FXN: variants seen among roughly 807,000 people sequenced by gnomAD.
FXN encodes the protein frataxin.
In FXN, 14 loss-of-function variants were observed where a neutral mutation model predicts 22.4. The ratio of observed to expected loss-of-function variants is 0.62; its 90% CI spans 0.41 to 0.98. The LOEUF is 0.98. FXN is among the 50% of genes least tolerant of loss of function. FXN has a pLI of 0.00. For missense variants in FXN, 267 were observed against 268.4 expected (o/e 0.99, Z 0.04); for synonymous variants, 120 against 114.1 (o/e 1.05, Z -0.33).
At position 69,073,624 on chromosome 9, in the gene FXN, T is replaced by C; in HGVS notation, c.*862T>C. 1.0e-6 allele frequency: 1 copy of C among 985,418 alleles called. No individual in the cohort carries two copies. The highest frequency in any genetic ancestry group is 1.2e-6 in the Non-Finnish European group (1 of 829,938). 61.0% of individuals were successfully genotyped at this position (985,418 alleles called of 1,614,324 possible). A position where few individuals can be genotyped will look rare whatever the true frequency, so the allele number is the denominator to read the frequency against. On this transcript the variant is annotated 3_prime_UTR_variant, in exon 5 of 5. Coordinates refer to ENST00000484259, the MANE Select transcript of FXN (RefSeq NM_000144.5). ...ATGTTGATAAAGAGAGCCCTGGTCC[T>C]AGACATAGTTCAGCCACAAAGTAGT...
intron 3 of FXN, among the ~76,000 whole-genome samples, chr9:69,055,543 G>C (rs1015150865): frequency 2.0e-5 from 3 of 150,808 alleles, no homozygotes; most frequent in Non-Finnish European, 4.4e-5. Flanking sequence ...ACCCAGGCTG[G>C]AGTGCAGTTG....
At chr9:69,046,192 G>A (rs1467630101) in intron 1 of FXN, among the ~76,000 whole-genome samples, 193 bp from the exon 2 acceptor site, 4 of 152,148 alleles carry the variant, frequency 2.6e-5, no homozygotes, top group Admixed American at 1.3e-4. Flanking sequence ...GTAGGAAACC[G>A]GGAACCAGGG....
rs774839688 is a variant in FXN at position 69,053,260 on chromosome 9, G to A, written c.384G>A (p.Gly128=). The change falls in exon 3 of 5, where the codon GGG becomes GGA. Residue 128 remains glycine (G), a splice_region_variant and synonymous_variant. Transcript: ENST00000484259. ...TTGAGGACTATGATGTCTCCTTTGG[G>A]GTACCTCTTGACTTCTTTTATTTTT... ...YTFEDYDVSF[G]SGVLTVKLGG... is the part of the protein sequence containing the mutation. The A allele has an allele frequency of 1.2e-6, 2 of 1,613,366 alleles. No individual in the cohort carries two copies. The highest frequency in any genetic ancestry group is 1.7e-6 in the Non-Finnish European group (2 of 1,179,648).
At chr9:69,046,296 G>A (rs1831750808) in intron 1 of FXN, 89 bp from the exon 2 acceptor site, 3 of 937,788 alleles carry the variant, frequency 3.2e-6, no homozygotes, top group East Asian at 2.6e-5. Context: ...ACAGGCACTC[G>A]AATGTAGAAG....
Position 69,074,719 on chromosome 9 carries a change from G to A in FXN, c.*1957G>A. On this transcript the variant is annotated 3_prime_UTR_variant, in exon 5 of 5. Coordinates refer to ENST00000484259, the MANE Select transcript of FXN (RefSeq NM_000144.5). ...ATTGGAGATCAGCCTGGGCAACACA[G>A]CAAGATCCTATCTCTTAAAAAAAGA... 1 of 907,884 alleles carries A rather than the reference G, an allele frequency of 1.1e-6. No individual in the cohort carries two copies. The highest frequency in any genetic ancestry group is 1.3e-6 in the Non-Finnish European group (1 of 761,424). 56.2% of individuals were successfully genotyped at this position (907,884 alleles called of 1,614,324 possible).
chr9:69,068,703 C>T (rs78719862), intron 4 of FXN, among the ~76,000 whole-genome samples: 8 of 152,216 alleles, frequency 5.3e-5, no homozygotes, highest in African/African-American at 1.9e-4. Context: ...AGGGGAGAAT[C>T]GGCCCAAGGT....
intron 4 of FXN, among the ~76,000 whole-genome samples, chr9:69,068,259 G>A (rs1303167422): frequency 6.6e-6 from 1 of 152,166 alleles, no homozygotes; most frequent in Non-Finnish European, 1.5e-5. Context: ...GTGCTAAGGG[G>A]CTACTATGAG....
chr9:69,063,413 G>A (rs192077498), intron 3 of FXN, among the ~76,000 whole-genome samples: 18 of 152,074 alleles, frequency 1.2e-4, no homozygotes, highest in African/African-American at 4.1e-4. Context: ...GAATCCTACC[G>A]CCAACAATTG....
chr9:69,044,221 T>G (rs1291095855), intron 1 of FXN, among the ~76,000 whole-genome samples: 1 of 152,202 alleles, frequency 6.6e-6, no homozygotes, highest in Non-Finnish European at 1.5e-5. Flanking sequence ...GAATAAGGAC[T>G]GTAATAAGAG....
Position 69,072,795 on chromosome 9 carries a change from A to C in FXN, c.*33A>C, listed in dbSNP as rs369184667. 2.5e-6 allele frequency: 4 copies of C among 1,613,674 alleles called. No individual in the cohort carries two copies. The African/African-American group carries it at 5.3e-5, about 22-fold the overall frequency. On this transcript the variant is annotated 3_prime_UTR_variant, in exon 5 of 5. Coordinates refer to ENST00000484259, the MANE Select transcript of FXN (RefSeq NM_000144.5). ...CCCCGTTTTAAGGACATTAAAAGCT[A>C]TCAGGCCAAGACCCCAGCTTCATTA...
rs1160699792 is a variant in FXN, at chr9:69,073,480, A to G, written c.*718A>G. Reference sequence around the variant, plus strand: ...AGAATGCAAAAAATCTTCCAAAGACAAGAAAAGAGGAAAAAAAGCCGTTTT... The same window carrying G: ...AGAATGCAAAAAATCTTCCAAAGACGAGAAAAGAGGAAAAAAAGCCGTTTT... On this transcript the variant is annotated 3_prime_UTR_variant, in exon 5 of 5. Coordinates refer to ENST00000484259, the MANE Select transcript of FXN (RefSeq NM_000144.5). 1.0e-6 allele frequency: 1 copy of G among 985,508 alleles called. No homozygotes were observed. The highest frequency in any genetic ancestry group is 1.2e-6 in the Non-Finnish European group (1 of 830,002). 61.0% of individuals were successfully genotyped at this position (985,508 alleles called of 1,614,324 possible).
chr9:69,060,303 A>G (rs138678274), intron 3 of FXN, among the ~76,000 whole-genome samples: 2,218 of 151,928 alleles, frequency 0.015, 44 homozygotes, highest in East Asian at 0.08. Flanking sequence ...CCCGGGAGGC[A>G]GAGCTTGCAG....
rs567068809 is a variant in FXN, at chr9:69,053,559, TAAGAC to T, written c.384+305_384+309del. On this transcript the variant is annotated intron_variant, in intron 3 of 4. Coordinates refer to ENST00000484259, the MANE Select transcript of FXN (RefSeq NM_000144.5). Reference sequence around the variant, plus strand: ...TAGCTGGATAGATAGATAAGATAGATAAGACAAGACTAGGCTTCAAGCTGCAGTCC... The same window carrying T: ...TAGCTGGATAGATAGATAAGATAGATAAGACTAGGCTTCAAGCTGCAGTCC... Among the ~76,000 whole-genome samples, 89 of 152,156 alleles carry T rather than the reference TAAGAC, an allele frequency of 5.8e-4. 1 individual carries two copies. The South Asian group carries it at 0.018, about 31-fold the overall frequency.
At chr9:69,069,218 C>T (rs910714667) in intron 4 of FXN, among the ~76,000 whole-genome samples, 23 of 152,058 alleles carry the variant, frequency 1.5e-4, no homozygotes, top group African/African-American at 2.9e-4. Context: ...ACAAAAAATT[C>T]GCCAGGCATG....
intron 1 of FXN, among the ~76,000 whole-genome samples, chr9:69,039,747 T>C (rs1203559736): frequency 6.6e-6 from 1 of 152,222 alleles, no homozygotes; most frequent in Non-Finnish European, 1.5e-5. Context: ...AGGAGATAAC[T>C]GGATGTTTCT....
At chr9:69,045,967 A>C (rs947070235) in intron 1 of FXN, among the ~76,000 whole-genome samples, 2 of 152,264 alleles carry the variant, frequency 1.3e-5, no homozygotes, top group African/African-American at 2.4e-5. Context: ...CCTCCCAGTG[A>C]ATGAAAGTCC....
At chr9:69,046,538 T>C in intron 2 of FXN, 56 bp downstream of exon 2, 1 of 1,242,062 alleles carries the variant, frequency 8.1e-7, no homozygotes, top group Non-Finnish European at 1.2e-6. Context: ...TCCCTGCCTC[T>C]CCCATTAGAA....
intron 2 of FXN, among the ~76,000 whole-genome samples, chr9:69,049,092 G>A (rs554477441): frequency 1.3e-5 from 2 of 152,298 alleles, no homozygotes; most frequent in African/African-American, 4.8e-5. Context: ...AAGTCCAGCT[G>A]CCTCTGGCCT....
At chr9:69,052,992 A>C in intron 2 of FXN, 148 bp from the exon 3 acceptor site, 5 of 408,926 alleles carry the variant, frequency 1.2e-5, no homozygotes, top group Non-Finnish European at 1.7e-5. Context: ...CTCTGTCTCA[A>C]AAAAAAAAAA....
Sources: gnomAD v4.1 joint callset for allele counts (sites outside exome capture counted in the v4.1 genomes callset) on GRCh38, gnomAD v4.1.1 for gene constraint, MANE v1.5 for transcripts, NCBI Gene and HGNC (gene_info 2026-07-23, HGNC 2026-07-21) for gene names.